PRTFDC1: variants seen among roughly 807,000 people sequenced by gnomAD.
PRTFDC1 encodes phosphoribosyltransferase domain-containing protein 1.
A neutral mutation model predicts 34.6 loss-of-function variants in PRTFDC1; 38 were observed. The observed-to-expected ratio is 1.10, with a 90% confidence interval of 0.85 to 1.44. PRTFDC1 has a LOEUF of 1.44. Among genes scored for constraint, PRTFDC1 ranks in the 40% most tolerant of loss-of-function variants. The pLI is 0.00. For synonymous variants in PRTFDC1, 93 were observed against 98.1 expected (o/e 0.95, Z 0.31); for missense variants, 270 against 283.0 (o/e 0.95, Z 0.33).
At chr10:24,883,704 A>G (rs1002305102) in intron 3 of PRTFDC1, among the ~76,000 whole-genome samples, 8 of 152,150 alleles carry the variant, frequency 5.3e-5, no homozygotes, top group African/African-American at 1.9e-4. Flanking sequence ...GGACAAACAC[A>G]TGGAGCCTCT....
chr10:24,895,498 G>T (rs1157166346), intron 3 of PRTFDC1, among the ~76,000 whole-genome samples: 1 of 150,672 alleles, frequency 6.6e-6, no homozygotes, highest in Admixed American at 6.6e-5. Flanking sequence ...TGATCCACCT[G>T]CCTTGGCCTC....
At chr10:24,873,889 A>G (rs1185684440) in intron 3 of PRTFDC1, among the ~76,000 whole-genome samples, 1 of 151,348 alleles carries the variant, frequency 6.6e-6, no homozygotes, top group African/African-American at 2.4e-5. Context: ...AAAAAAAAAA[A>G]GACCTTATAA....
intron 3 of PRTFDC1, chr10:24,908,429 G>A (rs1848570848): frequency 1.3e-6 from 2 of 1,529,456 alleles, no homozygotes; most frequent in Non-Finnish European, 1.8e-6. Flanking sequence ...AAGACTGTGG[G>A]CACAGCCAGG....
chr10:24,871,951 A>G, intron 4 of PRTFDC1, 47 bp downstream of exon 4: 1 of 1,515,110 alleles, frequency 6.6e-7, no homozygotes, highest in Non-Finnish European at 9.1e-7. Context: ...CAGGTCACCG[A>G]TGCCCCCAGA....
intron 5 of PRTFDC1, 42 bp downstream of exon 5, chr10:24,858,350 T>G: frequency 2.5e-6 from 4 of 1,598,042 alleles, no homozygotes; most frequent in Admixed American, 1.7e-5. Context: ...CACCATTAGA[T>G]TCTTTCAACC....
chr10:24,863,122 G>A (rs560554467), intron 4 of PRTFDC1, among the ~76,000 whole-genome samples: 21 of 152,114 alleles, frequency 1.4e-4, no homozygotes, highest in African/African-American at 2.9e-4. Context: ...CAGGTGATCC[G>A]CTGGCTTGGC....
intron 3 of PRTFDC1, among the ~76,000 whole-genome samples, chr10:24,881,619 C>G (rs1271841796): frequency 6.6e-6 from 1 of 152,124 alleles, no homozygotes; most frequent in African/African-American, 2.4e-5. Context: ...ATAAAACCAC[C>G]ATTTTAGCTT....
intron 3 of PRTFDC1, among the ~76,000 whole-genome samples, chr10:24,874,508 A>AGGG (rs1284048965): frequency 6.6e-6 from 1 of 152,210 alleles, no homozygotes; most frequent in African/African-American, 2.4e-5. Context: ...AGAATTGAAT[A>AGGG]CAACTACTAA....
chr10:24,864,735 A>T (rs1588577112), intron 4 of PRTFDC1, among the ~76,000 whole-genome samples: 1 of 152,212 alleles, frequency 6.6e-6, no homozygotes, highest in East Asian at 1.9e-4. Flanking sequence ...TCTGAAACCA[A>T]ATCCACAATA....
intron 5 of PRTFDC1, 91 bp from the exon 6 acceptor site, chr10:24,857,086 A>T: frequency 9.2e-7 from 1 of 1,087,858 alleles, no homozygotes; most frequent in Non-Finnish European, 1.4e-6. Flanking sequence ...TTAATAATGC[A>T]TCGTAATTAA....
rs1848276593 is a variant in PRTFDC1, at chr10:24,892,300, T to C, written c.340-20237A>G. On this transcript the variant is annotated intron_variant, in intron 3 of 8. Coordinates refer to ENST00000320152, the MANE Select transcript of PRTFDC1 (RefSeq NM_020200.7). ...TTGCAACTGACCTAGTAGTTGTATT[T>C]TTAATTTTTTGAGGAACCCCCATAC... 3.3e-5 allele frequency among the ~76,000 whole-genome samples: 5 copies of C among 152,284 alleles called. No individual in the cohort carries two copies. In the South Asian group the frequency reaches 1.0e-3, roughly 32 times the overall value.
At chr10:24,912,389 C>T (rs1425779095) in intron 3 of PRTFDC1, among the ~76,000 whole-genome samples, 2 of 146,106 alleles carry the variant, frequency 1.4e-5, no homozygotes, top group South Asian at 2.2e-4. Flanking sequence ...AACTTTACTT[C>T]CTCAACCAAC....
At chr10:24,858,430 A>T (rs760606502) in intron 4 of PRTFDC1, 21 bp from the exon 5 acceptor site, 7 of 1,612,548 alleles carry the variant, frequency 4.3e-6, no homozygotes, top group Non-Finnish European at 5.9e-6. Flanking sequence ...CAAAACCCAT[A>T]TTTTAGAATG....
rs750005048 is a variant in PRTFDC1, at chr10:24,851,474, CAGAG to C, written c.554-14_554-11del. On this transcript the variant is annotated splice_polypyrimidine_tract_variant and intron_variant, in intron 7 of 8. Coordinates refer to ENST00000320152, the MANE Select transcript of PRTFDC1 (RefSeq NM_020200.7). ...ATCTCAAATCCAGCATCTTAGCAGA[CAGAG>C]AAAGAGAAAAAAAAAAAGGAACAAA... The C allele has an allele frequency of 6.3e-7, 1 of 1,586,978 alleles. No homozygotes were observed. The highest frequency in any genetic ancestry group is 8.5e-7 in the Non-Finnish European group (1 of 1,172,430).
chr10:24,941,006 G>T (rs2132613800), intron 2 of PRTFDC1, among the ~76,000 whole-genome samples: 1 of 151,760 alleles, frequency 6.6e-6, no homozygotes, highest in Non-Finnish European at 1.5e-5. Flanking sequence ...TGCAATGGGT[G>T]AATTTTGTGC....
rs755794832 is a variant in PRTFDC1, at chr10:24,952,189, G to T, written c.48+339C>A. Among the ~76,000 whole-genome samples the T allele has an allele frequency of 1.3e-5, 2 of 152,358 alleles. No individual in the cohort carries two copies. Among genetic ancestry groups the T allele is most frequent in the Admixed American group, 6.5e-5 (1 of 15,312 alleles). On this transcript the variant is annotated intron_variant, in intron 1 of 8. Coordinates refer to ENST00000320152, the MANE Select transcript of PRTFDC1 (RefSeq NM_020200.7). This position sits in a 1 kb window ranked among gnomAD's most constrained non-coding sequence, Gnocchi z 5.1. ...GAGGCCTCCAGAGCAGCACGCGGGG[G>T]TCTCTGGGGCCCTGCCGGGCTCGCA... is the stretch of plus-strand genomic sequence containing the variant.
At chr10:24,929,510 A>G (rs1032127437) in intron 3 of PRTFDC1, among the ~76,000 whole-genome samples, 2 of 152,198 alleles carry the variant, frequency 1.3e-5, no homozygotes, top group Admixed American at 6.5e-5. Context: ...TTCAAACAAC[A>G]TGGGGCAGGA....
chr10:24,930,730 C>T (rs1252723612), intron 3 of PRTFDC1, among the ~76,000 whole-genome samples: 1 of 152,004 alleles, frequency 6.6e-6, no homozygotes, highest in African/African-American at 2.4e-5. Context: ...GTGTCTGTTT[C>T]ATTATGTGTA....
Position 24,849,563 on chromosome 10 carries a change from A to T in PRTFDC1, c.*281T>A, listed in dbSNP as rs1297958436. 3.0e-6 allele frequency: 1 copy of T among 331,480 alleles called. No homozygotes were observed. The highest frequency in any genetic ancestry group is 5.5e-6 in the Non-Finnish European group (1 of 183,084). The allele number at this position is 331,480 out of a possible 1,614,324, so 20.5% of individuals were successfully genotyped here. On this transcript the variant is annotated 3_prime_UTR_variant, in exon 9 of 9. Transcript: ENST00000320152. Reference sequence around the variant, plus strand: ...TATAATGACTGTATCAAAACAAAGGAAGGCGGAGCTCAGGAGTGTGAAGGT... The same window carrying T: ...TATAATGACTGTATCAAAACAAAGGTAGGCGGAGCTCAGGAGTGTGAAGGT...
Sources: gnomAD v4.1 joint callset for allele counts (sites outside exome capture counted in the v4.1 genomes callset) on GRCh38, gnomAD v4.1.1 for gene constraint, Gnocchi (gnomAD v3.1) non-coding constraint, MANE v1.5 for transcripts, NCBI Gene and HGNC (gene_info 2026-07-23, HGNC 2026-07-21) for gene names.